The following VWA2 variants were observed in gnomAD, a reference collection of about 807,000 sequenced individuals.
The protein encoded by VWA2 is von Willebrand factor A domain-containing protein 2.
A neutral mutation model predicts 70.4 loss-of-function variants in VWA2; 73 were observed. That is an observed-to-expected ratio of 1.04 (90% CI 0.86 to 1.26). VWA2 has a LOEUF of 1.26. VWA2 is among the 50% of genes most tolerant of loss of function. The probability of loss-of-function intolerance (pLI) is 0.00; values close to 1 mark genes in which losing one functional copy is unlikely to be tolerated. For synonymous variants in VWA2, 407 were observed against 423.3 expected (o/e 0.96, Z 0.47); for missense variants, 1,011 against 998.5 (o/e 1.01, Z -0.17).
Position 114,242,935 on chromosome 10 carries a change from A to T in VWA2, c.-11+3366A>T, listed in dbSNP as rs932852610. Among the ~76,000 whole-genome samples, 4 of 152,154 alleles carry T rather than the reference A, an allele frequency of 2.6e-5. No individual in the cohort carries two copies. In the East Asian group the frequency reaches 7.7e-4, roughly 29 times the overall value. On this transcript the variant is annotated intron_variant, in intron 1 of 13. Transcript: ENST00000392982. ...GGAGTTTATGAAACAGATTCTCCCC[A>T]TTTGGCAGATGAGGAACTAAGGCAG...
intron 5 of VWA2, among the ~76,000 whole-genome samples, chr10:114,272,099 C>G (rs1027676950): frequency 6.6e-6 from 1 of 152,214 alleles, no homozygotes; most frequent in Non-Finnish European, 1.5e-5. Flanking sequence ...TCAACAGTTC[C>G]TATAACTGAG....
At chr10:114,266,475 C>G (rs778265136) in intron 5 of VWA2, among the ~76,000 whole-genome samples, 14 of 152,124 alleles carry the variant, frequency 9.2e-5, no homozygotes, top group Non-Finnish European at 1.5e-4. Flanking sequence ...CAGCTCAACT[C>G]AAACCCAGGA....
At chr10:114,246,986 C>T (rs1464506160) in intron 1 of VWA2, among the ~76,000 whole-genome samples, 1 of 152,108 alleles carries the variant, frequency 6.6e-6, no homozygotes, top group Non-Finnish European at 1.5e-5. Flanking sequence ...GCTGCAGCTG[C>T]CCCCTCAGCC....
At chr10:114,268,861 A>AT (rs909121293) in intron 5 of VWA2, among the ~76,000 whole-genome samples, 18 of 152,040 alleles carry the variant, frequency 1.2e-4, no homozygotes, top group Non-Finnish European at 2.4e-4. Context: ...TGCCTGGCTA[A>AT]TTTTTTTGTA....
Position 114,291,270 on chromosome 10 carries a change from C to G in VWA2, c.*33C>G. 2.6e-6 allele frequency: 4 copies of G among 1,544,912 alleles called. No individual in the cohort carries two copies. The highest frequency in any genetic ancestry group is 8.7e-7 in the Non-Finnish European group (1 of 1,144,442). On this transcript the variant is annotated 3_prime_UTR_variant, in exon 14 of 14. Transcript: ENST00000392982. ...GGCTCCCGTGCAGGAGGGCAGCAGCCGTACCCCTCCCAGCAACTACAGAGA... is the reference window on the plus strand; with the variant it reads ...GGCTCCCGTGCAGGAGGGCAGCAGCGGTACCCCTCCCAGCAACTACAGAGA...
intron 5 of VWA2, among the ~76,000 whole-genome samples, chr10:114,272,235 C>A (rs978816464): frequency 5.3e-5 from 8 of 152,206 alleles, no homozygotes; most frequent in African/African-American, 7.2e-5. Flanking sequence ...AGCTCCCAAC[C>A]CTGAATTTGG....
chr10:114,270,325 C>G (rs1166374645), intron 5 of VWA2, among the ~76,000 whole-genome samples: 1 of 152,138 alleles, frequency 6.6e-6, no homozygotes, highest in East Asian at 1.9e-4. Flanking sequence ...TAGTTTGGCC[C>G]CTTTTCTGGA....
chr10:114,268,409 G>A (rs1213811343), intron 5 of VWA2, among the ~76,000 whole-genome samples: 4 of 151,984 alleles, frequency 2.6e-5, no homozygotes, highest in African/African-American at 7.2e-5. Context: ...TCCTGCCTTC[G>A]CCACTCATGA....
intron 5 of VWA2, among the ~76,000 whole-genome samples, chr10:114,262,240 A>G (rs12774618): frequency 0.25 from 38,561 of 151,360 alleles, 5,308 homozygotes; most frequent in African/African-American, 0.35. Context: ...TGATGTGTAC[A>G]TCTGAATATG....
intron 5 of VWA2, among the ~76,000 whole-genome samples, chr10:114,265,806 T>G (rs1277950451): frequency 6.6e-6 from 1 of 152,174 alleles, no homozygotes; most frequent in African/African-American, 2.4e-5. Flanking sequence ...TTAGCACTTA[T>G]GTTTCCTAGG....
intron 4 of VWA2, among the ~76,000 whole-genome samples, chr10:114,260,828 C>T (rs189673666): frequency 1.2e-4 from 18 of 152,312 alleles, no homozygotes; most frequent in African/African-American, 4.1e-4. Flanking sequence ...TGAAACTGCT[C>T]AAGACAGCAC....
At chr10:114,248,073 A>G (rs1201642087) in intron 1 of VWA2, among the ~76,000 whole-genome samples, 2 of 150,896 alleles carry the variant, frequency 1.3e-5, no homozygotes, top group African/African-American at 2.4e-5. Context: ...GTGCCACTGC[A>G]TTCCAGCCTG....
At position 114,278,033 on chromosome 10, in the gene VWA2, C is replaced by T. The variant is rs2037891142; in HGVS notation, c.686C>T (p.Ser229Phe). 1 of 1,612,056 alleles carries T rather than the reference C, an allele frequency of 6.2e-7. No homozygotes were observed. Among genetic ancestry groups the T allele is most frequent in the South Asian group, 1.1e-5 (1 of 91,010 alleles). ...ACCCTCAGCAGCTCGGCCATCTGCT[C>T]CAGCGCCACGCCAGGTAAGATCTTC... Reference protein sequence around the residue: ...FSTLSSSAICSSATPDCRVEA... With the variant: ...FSTLSSSAICFSATPDCRVEA... Residue 229 changes from serine (S) to phenylalanine (F), a missense_variant, in exon 7 of 14, where the codon TCC (serine) becomes TTC (phenylalanine). Coordinates refer to ENST00000392982, the MANE Select transcript of VWA2 (RefSeq NM_001272046.2).
chr10:114,272,518 A>G (rs1189848101), intron 5 of VWA2, among the ~76,000 whole-genome samples: 3 of 152,198 alleles, frequency 2.0e-5, no homozygotes, highest in Admixed American at 6.5e-5. Flanking sequence ...TTATGATAGA[A>G]TACAACAGAG....
intron 6 of VWA2, among the ~76,000 whole-genome samples, chr10:114,276,387 C>T (rs184518112): frequency 3.9e-4 from 60 of 152,388 alleles, no homozygotes; most frequent in Non-Finnish European, 6.5e-4. Flanking sequence ...CCTTGGTCTG[C>T]TCTTCATCCT....
chr10:114,253,778 A>G (rs1221584693), intron 3 of VWA2, 53 bp downstream of exon 3: 3 of 1,481,090 alleles, frequency 2.0e-6, no homozygotes, highest in Non-Finnish European at 2.8e-6. Context: ...CCTCTGTGTG[A>G]TGGACTGGAT....
At chr10:114,263,174 C>T (rs1356718155) in intron 5 of VWA2, among the ~76,000 whole-genome samples, 1 of 152,080 alleles carries the variant, frequency 6.6e-6, no homozygotes, top group East Asian at 1.9e-4. Context: ...TGCCACCACA[C>T]TGGGCTAATT....
intron 2 of VWA2, 150 bp from the exon 3 acceptor site, chr10:114,253,501 G>A (rs373731222): frequency 1.1e-4 from 72 of 681,048 alleles, no homozygotes; most frequent in Admixed American, 2.0e-4. Flanking sequence ...TATGTTATCC[G>A]TCTGGTAATT....
At chr10:114,281,809 C>T in intron 8 of VWA2, 1 of 943,838 alleles carries the variant, frequency 1.1e-6, no homozygotes, top group Non-Finnish European at 1.3e-6. Context: ...GATAGAATTA[C>T]TATACAAAGA....
Sources: allele counts gnomAD v4.1 joint callset (sites outside exome capture counted in the v4.1 genomes callset), GRCh38; gene constraint gnomAD v4.1.1; transcripts MANE v1.5; gene names NCBI Gene and HGNC (gene_info 2026-07-23, HGNC 2026-07-21).